Variants in ZBTB44 observed in about 807,000 individuals in gnomAD.
ZBTB44 encodes the protein zinc finger and BTB domain-containing protein 44.
A neutral mutation model predicts 54.0 loss-of-function variants in ZBTB44; 15 were observed. The ratio of observed to expected loss-of-function variants is 0.28; its 90% CI spans 0.19 to 0.43. The LOEUF is 0.43. Ranked by LOEUF, ZBTB44 falls within the 20% of genes least tolerant of loss-of-function variation. ZBTB44 has a pLI of 1.00. For synonymous variants in ZBTB44, 230 were observed against 250.1 expected (o/e 0.92, Z 0.76); for missense variants, 487 against 707.1 (o/e 0.69, Z 3.53).
chr11:130,277,097 A>G (rs956770573), intron 1 of ZBTB44, among the ~76,000 whole-genome samples: 28 of 152,200 alleles, frequency 1.8e-4, no homozygotes, highest in African/African-American at 6.3e-4. Flanking sequence ...TAGTCTGACA[A>G]TCTCTGTCTT....
At chr11:130,280,154 G>A (rs1431168227) in intron 1 of ZBTB44, among the ~76,000 whole-genome samples, 1 of 152,150 alleles carries the variant, frequency 6.6e-6, no homozygotes, top group African/African-American at 2.4e-5. Context: ...GGGGATGGGT[G>A]TAAGAAGGGA....
chr11:130,308,764 G>A (rs1942414521), intron 1 of ZBTB44, among the ~76,000 whole-genome samples: 3 of 152,092 alleles, frequency 2.0e-5, no homozygotes, highest in African/African-American at 7.2e-5. Flanking sequence ...GTATTTTACT[G>A]AGATTAAAGA....
intron 3 of ZBTB44, chr11:130,239,142 G>A (rs1191259299): frequency 6.6e-6 from 1 of 152,552 alleles, no homozygotes; most frequent in Non-Finnish European, 1.5e-5. Context: ...GATTAACTAC[G>A]AGGGAGATGA....
intron 4 of ZBTB44, among the ~76,000 whole-genome samples, chr11:130,237,774 A>G (rs142820191): frequency 2.0e-5 from 3 of 152,352 alleles, no homozygotes; most frequent in African/African-American, 7.2e-5. Flanking sequence ...TGTAAGACCT[A>G]TCTACAGAAG....
chr11:130,242,123 C>G (rs1163185200), intron 2 of ZBTB44, among the ~76,000 whole-genome samples: 7 of 152,158 alleles, frequency 4.6e-5, no homozygotes, highest in Admixed American at 4.6e-4. Context: ...TTGCTGAATA[C>G]AAGTGGAAAT....
At chr11:130,276,374 G>C (rs1049428430) in intron 1 of ZBTB44, among the ~76,000 whole-genome samples, 1 of 151,726 alleles carries the variant, frequency 6.6e-6, no homozygotes, top group Admixed American at 6.6e-5. Flanking sequence ...TGTCAGTTAG[G>C]TCTAGTTGGT....
intron 1 of ZBTB44, among the ~76,000 whole-genome samples, chr11:130,269,069 T>A (rs1294355695): frequency 6.7e-6 from 1 of 150,198 alleles, no homozygotes; most frequent in Non-Finnish European, 1.5e-5. Context: ...AGCGGGTGGA[T>A]CACCTGAGGT....
intron 1 of ZBTB44, among the ~76,000 whole-genome samples, chr11:130,309,411 C>G (rs867066350): frequency 6.6e-6 from 1 of 152,270 alleles, no homozygotes; most frequent in Middle Eastern, 3.4e-3. Flanking sequence ...CCTAATTGTG[C>G]TCTGCTTACT....
chr11:130,313,992 T>A (rs1335571238), intron 1 of ZBTB44, among the ~76,000 whole-genome samples: 1 of 151,876 alleles, frequency 6.6e-6, no homozygotes, highest in Non-Finnish European at 1.5e-5. Flanking sequence ...GCCATCTTTT[T>A]CTTTCTGTAC....
At position 130,228,088 on chromosome 11, in the gene ZBTB44, T is replaced by C. The variant is rs1016773238; in HGVS notation, c.*3676A>G. 4 of 152,168 alleles carry C rather than the reference T, an allele frequency of 2.6e-5. No homozygotes were observed. The highest frequency in any genetic ancestry group is 1.9e-4 in the East Asian group (1 of 5,190). 9.4% of individuals were successfully genotyped at this position (152,168 alleles called of 1,614,324 possible). ...AAGAAGCCATATACTATCCTCCAAG[T>C]TGGACATAAGGTGCCACAAGGCTGC... On this transcript the variant is annotated 3_prime_UTR_variant, in exon 8 of 8. Coordinates refer to ENST00000357899, the MANE Select transcript of ZBTB44 (RefSeq NM_001301098.2).
rs536163622 is a variant in ZBTB44 at position 130,309,154 on chromosome 11, C to T, written c.-57+5221G>A. On this transcript the variant is annotated intron_variant, in intron 1 of 7. Transcript: ENST00000357899. The stretch of plus-strand genomic sequence containing the variant: ...TCATCCTGTAACATGCCCAGCAAGC[C>T]ATTGTCTCCTGGCAGTCAGCTTCTC... 9.8e-4 allele frequency among the ~76,000 whole-genome samples: 150 copies of T among 152,322 alleles called. 1 individual carries two copies. The highest frequency in any genetic ancestry group is 1.9e-3 in the Non-Finnish European group (126 of 68,028).
At chr11:130,306,613 A>G (rs1942277511) in intron 1 of ZBTB44, among the ~76,000 whole-genome samples, 1 of 152,218 alleles carries the variant, frequency 6.6e-6, no homozygotes, top group South Asian at 2.1e-4. Flanking sequence ...ATGTACACAC[A>G]CTTACAGCAG....
At chr11:130,289,654 G>A (rs953452119) in intron 1 of ZBTB44, among the ~76,000 whole-genome samples, 2 of 152,062 alleles carry the variant, frequency 1.3e-5, no homozygotes, top group Non-Finnish European at 2.9e-5. Flanking sequence ...TTGCATATCT[G>A]TATTGAAGGC....
intron 1 of ZBTB44, among the ~76,000 whole-genome samples, chr11:130,262,860 C>T (rs1408196132): frequency 6.6e-6 from 1 of 152,158 alleles, no homozygotes; most frequent in Non-Finnish European, 1.5e-5. Context: ...GAGTCCAAGA[C>T]CAGCCTGGCC....
intron 1 of ZBTB44, among the ~76,000 whole-genome samples, chr11:130,283,035 CTTTTTTTTTTT>C (rs531030883): frequency 1.3e-4 from 13 of 102,416 alleles, no homozygotes; most frequent in East Asian, 2.9e-4. Flanking sequence ...CCATTCTAAC[CTTTTTTTTTTT>C]TTTTTTTTTT....
chr11:130,245,560 G>A (rs1355910979), intron 2 of ZBTB44, among the ~76,000 whole-genome samples: 4 of 152,144 alleles, frequency 2.6e-5, no homozygotes, highest in African/African-American at 7.2e-5. Flanking sequence ...GCCCCAAAAC[G>A]CCTGGAGTTG....
chr11:130,248,379 C>T (rs895619794), intron 2 of ZBTB44, among the ~76,000 whole-genome samples: 9 of 152,298 alleles, frequency 5.9e-5, no homozygotes, highest in South Asian at 2.1e-4. Context: ...TGGTGGCTCA[C>T]GCCTGTAATC....
intron 1 of ZBTB44, among the ~76,000 whole-genome samples, chr11:130,291,248 C>T (rs1205460481): frequency 1.3e-5 from 2 of 151,988 alleles, no homozygotes; most frequent in African/African-American, 2.4e-5. Flanking sequence ...AAGCAATTCT[C>T]GTGCCTCAGC....
At chr11:130,263,606 A>G (rs1939036544) in intron 1 of ZBTB44, among the ~76,000 whole-genome samples, 1 of 152,190 alleles carries the variant, frequency 6.6e-6, no homozygotes, top group Non-Finnish European at 1.5e-5. Context: ...GGAGTATTAA[A>G]ATGAAACCAT....
Sources: allele counts gnomAD v4.1 joint callset (sites outside exome capture counted in the v4.1 genomes callset), GRCh38; gene constraint gnomAD v4.1.1; transcripts MANE v1.5; gene names NCBI Gene and HGNC (gene_info 2026-07-23, HGNC 2026-07-21).